The following RIPOR2 variants were observed in gnomAD, a reference collection of about 807,000 sequenced individuals.
RIPOR2 encodes rho family-interacting cell polarization regulator 2.
Under a neutral mutation model 114.5 loss-of-function variants are expected in RIPOR2, and 39 were observed. The observed-to-expected ratio is 0.34, with a 90% CI of 0.26 to 0.44. The LOEUF (loss-of-function observed/expected upper bound fraction) is 0.44, where lower values mean the gene tolerates loss of function less well. Among genes scored for constraint, RIPOR2 ranks in the 20% least tolerant of loss-of-function variants. RIPOR2 has a pLI of 1.00. For missense variants in RIPOR2, 1,007 were observed against 1,255.1 expected (o/e 0.80, Z 2.99); for synonymous variants, 445 against 484.4 (o/e 0.92, Z 1.07).
chr6:24,987,586 G>A (rs1364404033), intron 1 of RIPOR2, among the ~76,000 whole-genome samples: 1 of 152,186 alleles, frequency 6.6e-6, no homozygotes, highest in Non-Finnish European at 1.5e-5. Flanking sequence ...ATAAGATGGA[G>A]TCCATTAAGA....
chr6:24,899,150 G>A (rs558590621), intron 1 of RIPOR2, among the ~76,000 whole-genome samples: 1 of 151,930 alleles, frequency 6.6e-6, no homozygotes, highest in Non-Finnish European at 1.5e-5. Context: ...GATCATGAAG[G>A]TTCAGGGACA....
At chr6:24,852,050 A>G (rs934496334) in intron 9 of RIPOR2, among the ~76,000 whole-genome samples, 3 of 152,106 alleles carry the variant, frequency 2.0e-5, no homozygotes, top group Admixed American at 1.3e-4. Flanking sequence ...ACTTGAGGTC[A>G]GGAGTTCAAG....
upstream of RIPOR2, among the ~76,000 whole-genome samples, chr6:24,940,332 G>A (rs1034632441): frequency 2.6e-5 from 4 of 152,122 alleles, no homozygotes; most frequent in African/African-American, 9.7e-5. Context: ...TTCTCTCTGT[G>A]CTTCTGGAGA....
At chr6:24,850,770 C>G in intron 9 of RIPOR2, 48 bp from the exon 10 acceptor site, 16 of 1,608,076 alleles carry the variant, frequency 9.9e-6, no homozygotes, top group African/African-American at 1.3e-5. Context: ...ACCCCCTCTT[C>G]TCCACCAGAA....
Position 24,825,401 on chromosome 6 carries a change from A to G in RIPOR2, c.2693T>C (p.Leu898Pro). 1.3e-6 allele frequency: 2 copies of G among 1,552,186 alleles called. No homozygotes were observed. Among genetic ancestry groups the G allele is most frequent in the Non-Finnish European group, 8.7e-7 (1 of 1,147,042 alleles). The change falls in exon 19 of 22, where the codon CTA (leucine) becomes CCA (proline). Residue 898 changes from leucine (L) to proline (P), a missense_variant. Coordinates refer to ENST00000643898, the MANE Select transcript of RIPOR2 (RefSeq NM_001286445.3). Reference protein sequence around the residue: ...QVSMVQTLQSLRDEKLLQTMS... With the variant: ...QVSMVQTLQSPRDEKLLQTMS... ...GGTTTGTAGCAGTTTTTCATCTCTT[A>G]GTGATTGCAGAGTCTGAACCATGGA... is the stretch of plus-strand genomic sequence containing the variant.
At position 24,806,102 on chromosome 6, in the gene RIPOR2, A is replaced by G. The variant is rs1780754244; in HGVS notation, c.*271T>C. On this transcript the variant is annotated 3_prime_UTR_variant, in exon 22 of 22. Transcript: ENST00000643898. Reference sequence around the variant, plus strand: ...GTAGCTGGGACTACAGGTGCATGCCACCACGCCTGACTAATTAAACTATTT... The same window carrying G: ...GTAGCTGGGACTACAGGTGCATGCCGCCACGCCTGACTAATTAAACTATTT... The G allele has an allele frequency of 2.5e-6, 1 of 392,784 alleles. No homozygotes were observed. The highest frequency in any genetic ancestry group is 4.6e-6 in the Non-Finnish European group (1 of 219,442). The allele number at this position is 392,784 out of a possible 1,614,324, so 24.3% of individuals were successfully genotyped here.
chr6:24,999,283 C>T (rs938106681), intron 1 of RIPOR2, among the ~76,000 whole-genome samples: 13 of 152,202 alleles, frequency 8.5e-5, no homozygotes, highest in Non-Finnish European at 1.8e-4. Context: ...TGCTCATTAA[C>T]ATACAAATCA....
intron 16 of RIPOR2, among the ~76,000 whole-genome samples, chr6:24,831,108 T>G (rs186683960): frequency 6.6e-6 from 1 of 152,202 alleles, no homozygotes; most frequent in African/African-American, 2.4e-5. Context: ...CATAAGACTG[T>G]GGTTAGTTTT....
chr6:24,866,161 A>G (rs150211550), intron 6 of RIPOR2, among the ~76,000 whole-genome samples: 1 of 152,380 alleles, frequency 6.6e-6, no homozygotes, highest in Admixed American at 6.5e-5. Context: ...AAATATATCA[A>G]ACTGAACACT....
chr6:24,851,585 A>G (rs1421958002), intron 9 of RIPOR2, among the ~76,000 whole-genome samples: 1 of 152,132 alleles, frequency 6.6e-6, no homozygotes, highest in African/African-American at 2.4e-5. Flanking sequence ...TTTGGAGGAG[A>G]TGTTAGATGA....
At chr6:24,989,875 C>G (rs1774716163) in intron 1 of RIPOR2, among the ~76,000 whole-genome samples, 1 of 151,442 alleles carries the variant, frequency 6.6e-6, no homozygotes, top group Non-Finnish European at 1.5e-5. Context: ...ACTAAAAATA[C>G]AAAAATTAGC....
intron 1 of RIPOR2, among the ~76,000 whole-genome samples, chr6:24,994,956 T>C (rs1774984467): frequency 6.6e-6 from 1 of 152,172 alleles, no homozygotes; most frequent in Non-Finnish European, 1.5e-5. Flanking sequence ...CTGTGATGTA[T>C]ATGGCCCCAG....
In RIPOR2 at chr6:25,038,328, G is replaced by T. The variant is rs552172328; in HGVS notation, c.76+3523C>A. On this transcript the variant is annotated intron_variant, in intron 1 of 13. Coordinates refer to the RIPOR2 transcript ENST00000510784. ...GGTTCTGTATAGTTCTTGAACCTTGGGTATAAATATGATGAGATTTTACTT... is the reference window on the plus strand; with the variant it reads ...GGTTCTGTATAGTTCTTGAACCTTGTGTATAAATATGATGAGATTTTACTT... Among the ~76,000 whole-genome samples the T allele has an allele frequency of 4.6e-4, 70 of 152,284 alleles. No homozygotes were observed. In the Middle Eastern group the frequency reaches 0.01, roughly 22 times the overall value.
chr6:24,947,843 T>C (rs896935857), intron 1 of RIPOR2: 7 of 152,224 alleles, frequency 4.6e-5, no homozygotes, highest in Non-Finnish European at 1.0e-4. Flanking sequence ...TTTTAATGTA[T>C]AAGTTAACTC....
chr6:25,029,602 G>A (rs1023454422), intron 1 of RIPOR2, among the ~76,000 whole-genome samples: 2 of 151,766 alleles, frequency 1.3e-5, no homozygotes. Flanking sequence ...CCCTGAGCTG[G>A]GACCCTCCGT....
intron 1 of RIPOR2, among the ~76,000 whole-genome samples, chr6:24,897,907 G>A (rs577311387): frequency 2.3e-4 from 35 of 152,008 alleles, no homozygotes; most frequent in African/African-American, 8.2e-4. Flanking sequence ...CTACAGGCAC[G>A]CACCACCATG....
chr6:24,829,705 A>G (rs1040743326), intron 17 of RIPOR2, among the ~76,000 whole-genome samples: 6 of 152,294 alleles, frequency 3.9e-5, no homozygotes, highest in African/African-American at 1.4e-4. Context: ...GTGGGCATTT[A>G]GGTTGTTTCC....
At chr6:24,998,203 A>G (rs2113639059) in intron 1 of RIPOR2, among the ~76,000 whole-genome samples, 1 of 152,122 alleles carries the variant, frequency 6.6e-6, no homozygotes, top group South Asian at 2.1e-4. Context: ...TGGATAGAAA[A>G]CGGTCTCCTC....
At chr6:24,825,951 G>A (rs1371358817) in intron 18 of RIPOR2, among the ~76,000 whole-genome samples, 1 of 123,490 alleles carries the variant, frequency 8.1e-6, no homozygotes, top group Non-Finnish European at 1.7e-5. Context: ...TTGAGACAGA[G>A]TCTCTTTCTT....
Sources: gnomAD v4.1 joint callset for allele counts (sites outside exome capture counted in the v4.1 genomes callset) on GRCh38, gnomAD v4.1.1 for gene constraint, MANE v1.5 for transcripts, NCBI Gene and HGNC (gene_info 2026-07-23, HGNC 2026-07-21) for gene names.